The following GPR158 variants were observed in gnomAD, a reference collection of about 807,000 sequenced individuals.
GPR158 encodes the protein G protein-coupled receptor 158.
A neutral mutation model predicts 78.2 loss-of-function variants in GPR158; 30 were observed. The observed-to-expected ratio is 0.38, with a 90% CI of 0.29 to 0.52. GPR158 has a LOEUF of 0.52. Among genes scored for constraint, GPR158 ranks in the 20% least tolerant of loss-of-function variants. GPR158 has a pLI of 0.83. For synonymous variants in GPR158, 581 were observed against 591.1 expected, an observed-to-expected ratio of 0.98 and a Z score of 0.25; for missense variants, 1,463 against 1,523.5, an observed-to-expected ratio of 0.96 and a Z score of 0.66.
chr10:25,532,099 G>A (rs1009650073), intron 5 of GPR158, among the ~76,000 whole-genome samples: 1 of 152,190 alleles, frequency 6.6e-6, no homozygotes, highest in Admixed American at 6.5e-5. Flanking sequence ...GATTTCTAGT[G>A]TAATTTGTGG....
At chr10:25,523,527 C>A (rs1462692008) in intron 5 of GPR158, among the ~76,000 whole-genome samples, 5 of 152,134 alleles carry the variant, frequency 3.3e-5, no homozygotes, top group Non-Finnish European at 7.4e-5. Context: ...TGTGGTTGGG[C>A]CTGAAAAATC....
intron 4 of GPR158, among the ~76,000 whole-genome samples, chr10:25,455,891 A>G (rs1250663792): frequency 1.3e-5 from 2 of 152,196 alleles, no homozygotes; most frequent in African/African-American, 2.4e-5. Context: ...CCTTTGGCAG[A>G]CAACTTTAAG....
At chr10:25,246,759 A>T (rs1457266356) in intron 2 of GPR158, among the ~76,000 whole-genome samples, 1 of 152,210 alleles carries the variant, frequency 6.6e-6, no homozygotes, top group Non-Finnish European at 1.5e-5. Context: ...TTATTCTTGT[A>T]AGTTAAAGAG....
chr10:25,537,852 T>G (rs1836520425), intron 5 of GPR158, among the ~76,000 whole-genome samples: 1 of 152,142 alleles, frequency 6.6e-6, no homozygotes, highest in African/African-American at 2.4e-5. Flanking sequence ...ATGTAAGATG[T>G]GCCTGCTTCC....
At chr10:25,587,599 ACCCGAT>A (rs948780511) in intron 7 of GPR158, among the ~76,000 whole-genome samples, 1 of 152,188 alleles carries the variant, frequency 6.6e-6, no homozygotes, top group Non-Finnish European at 1.5e-5. Flanking sequence ...TCTCAGAGTT[ACCCGAT>A]TCCCTTTGCT....
intron 2 of GPR158, among the ~76,000 whole-genome samples, chr10:25,253,527 G>A (rs946565743): frequency 3.3e-5 from 5 of 152,188 alleles, no homozygotes; most frequent in Non-Finnish European, 5.9e-5. Flanking sequence ...GGAAGGAATA[G>A]TTGATTATTA....
chr10:25,422,628 C>A (rs201268726), intron 4 of GPR158, among the ~76,000 whole-genome samples: 142 of 143,108 alleles, frequency 9.9e-4, no homozygotes, highest in Non-Finnish European at 1.0e-3. Context: ...ATTGTATTTG[C>A]AAAAAAAAAA....
intron 2 of GPR158, 93 bp downstream of exon 2, chr10:25,221,250 T>TA: frequency 1.5e-6 from 1 of 654,812 alleles, no homozygotes; most frequent in Non-Finnish European, 2.6e-6. Context: ...AGAGGCATCT[T>TA]ACTGGGAAGA....
intron 2 of GPR158, among the ~76,000 whole-genome samples, chr10:25,348,299 G>A (rs1855402380): frequency 6.6e-6 from 1 of 151,350 alleles, no homozygotes; most frequent in Admixed American, 6.6e-5. Flanking sequence ...TCTTTTTAAT[G>A]TCTAAGACAC....
intron 1 of GPR158, among the ~76,000 whole-genome samples, chr10:25,189,714 A>G (rs1852743383): frequency 6.6e-6 from 1 of 151,958 alleles, no homozygotes; most frequent in Admixed American, 6.6e-5. Flanking sequence ...GCAGCACACC[A>G]ACATGGCACA....
chr10:25,176,694 C>G lies in GPR158; in HGVS notation c.902+372C>G, dbSNP rs1852540582. Among the ~76,000 whole-genome samples, 1 of 152,224 alleles carries G rather than the reference C, an allele frequency of 6.6e-6. No individual in the cohort carries two copies. Among genetic ancestry groups the G allele is most frequent in the African/African-American group, 2.4e-5 (1 of 41,458 alleles). On this transcript the variant is annotated intron_variant, in intron 1 of 10. Transcript: ENST00000376351. This position sits in a 1 kb window ranked among gnomAD's most constrained non-coding sequence, Gnocchi z 6.3. ...GGGGGCGATGCGACAACTTGGCGAG[C>G]GCCGGGTGTGTCCGCGGAGTGGCAA...
intron 1 of GPR158, among the ~76,000 whole-genome samples, chr10:25,202,716 C>CAA (rs1852952142): frequency 5.3e-5 from 8 of 152,236 alleles, no homozygotes; most frequent in East Asian, 1.9e-4. Flanking sequence ...AATAAACATA[C>CAA]GTGTGCATGT....
At chr10:25,365,201 G>T (rs554285187) in intron 2 of GPR158, among the ~76,000 whole-genome samples, 1 of 151,220 alleles carries the variant, frequency 6.6e-6, no homozygotes, top group Admixed American at 6.6e-5. Context: ...CAGATGAAAA[G>T]ATAGCAATTA....
chr10:25,476,448 C>T (rs1055735401), intron 5 of GPR158, among the ~76,000 whole-genome samples: 2 of 150,342 alleles, frequency 1.3e-5, no homozygotes, highest in African/African-American at 2.4e-5. Flanking sequence ...ATATGTCTTC[C>T]TGTAAAGGAC....
intron 5 of GPR158, among the ~76,000 whole-genome samples, chr10:25,506,970 A>G (rs141350811): frequency 9.3e-4 from 142 of 152,334 alleles, no homozygotes; most frequent in African/African-American, 3.2e-3. Flanking sequence ...ACATACCACT[A>G]GGCTATGCTG....
chr10:25,586,148 A>G (rs566456410), intron 7 of GPR158, among the ~76,000 whole-genome samples: 29 of 152,276 alleles, frequency 1.9e-4, no homozygotes, highest in South Asian at 1.0e-3. Flanking sequence ...TTGTGAAATA[A>G]TAGTGAGCCA....
chr10:25,350,211 C>T (rs74123868), intron 2 of GPR158, among the ~76,000 whole-genome samples: 36 of 151,770 alleles, frequency 2.4e-4, no homozygotes, highest in Non-Finnish European at 4.4e-5. Context: ...ATGGGAGGGG[C>T]AACCCCATTC....
At chr10:25,451,957 G>A (rs1835223581) in intron 4 of GPR158, among the ~76,000 whole-genome samples, 2 of 152,114 alleles carry the variant, frequency 1.3e-5, no homozygotes, top group Non-Finnish European at 2.9e-5. Flanking sequence ...GTTTTACCCA[G>A]TAGAGTTGTT....
intron 2 of GPR158, among the ~76,000 whole-genome samples, chr10:25,227,859 C>T (rs1242289167): frequency 6.6e-6 from 1 of 152,092 alleles, no homozygotes; most frequent in Non-Finnish European, 1.5e-5. Context: ...AAAGAGAAGT[C>T]TTCACACATA....
Sources: gnomAD v4.1 joint callset for allele counts (sites outside exome capture counted in the v4.1 genomes callset) on GRCh38, gnomAD v4.1.1 for gene constraint, Gnocchi (gnomAD v3.1) non-coding constraint, MANE v1.5 for transcripts, NCBI Gene and HGNC (gene_info 2026-07-23, HGNC 2026-07-21) for gene names.